Variants in BATF observed in about 807,000 individuals in gnomAD.
BATF encodes basic leucine zipper ATF-like transcription factor.
Under a neutral mutation model 13.7 loss-of-function variants are expected in BATF, and 5 were observed. The observed-to-expected ratio is 0.36, with a 90% CI of 0.19 to 0.77. The LOEUF is 0.77. Among genes scored for constraint, BATF ranks in the 30% least tolerant of loss-of-function variants. BATF has a pLI of 0.51. For synonymous variants in BATF, 72 were observed against 67.5 expected (o/e 1.07, Z -0.33); for missense variants, 124 against 163.0 (o/e 0.76, Z 1.30).
Position 75,536,695 on chromosome 14 carries a change from C to T in BATF, c.169-9767C>T, listed in dbSNP as rs142920562. Among the ~76,000 whole-genome samples the T allele has an allele frequency of 2.1e-3, 295 of 141,704 alleles. 1 individual carries two copies. Among genetic ancestry groups the T allele is most frequent in the African/African-American group, 7.4e-3 (282 of 38,202 alleles). 93.0% of individuals were successfully genotyped at this position (141,704 alleles called of 152,430 possible). On this transcript the variant is annotated intron_variant, in intron 2 of 2. Coordinates refer to ENST00000286639, the MANE Select transcript of BATF (RefSeq NM_006399.5). ...TTGTGATAGCACCACTGCACTCCAG[C>T]CTGGGCAACAGGGCAAGATCCTGTC...
chr14:75,538,371 AC>A (rs1887846591), intron 2 of BATF, among the ~76,000 whole-genome samples: 1 of 152,174 alleles, frequency 6.6e-6, no homozygotes, highest in Non-Finnish European at 1.5e-5. Flanking sequence ...TTAAATTGGA[AC>A]CTCTGGGGGT....
At chr14:75,524,650 T>C (rs886527646) in intron 1 of BATF, among the ~76,000 whole-genome samples, 1 of 151,940 alleles carries the variant, frequency 6.6e-6, no homozygotes, top group African/African-American at 2.4e-5. Context: ...TGCCCAGAGG[T>C]TGGCATATAG....
At chr14:75,543,871 C>T (rs940465324) in intron 2 of BATF, among the ~76,000 whole-genome samples, 1 of 151,852 alleles carries the variant, frequency 6.6e-6, no homozygotes, top group Non-Finnish European at 1.5e-5. Flanking sequence ...TGGGCTCAAG[C>T]GATCCTCTCA....
At chr14:75,535,843 T>C (rs1389063702) in intron 2 of BATF, among the ~76,000 whole-genome samples, 2 of 152,182 alleles carry the variant, frequency 1.3e-5, no homozygotes, top group Non-Finnish European at 2.9e-5. Context: ...TGGATTCCTA[T>C]GACCAAAATG....
chr14:75,536,236 G>C (rs964053713), intron 2 of BATF, among the ~76,000 whole-genome samples: 1 of 152,216 alleles, frequency 6.6e-6, no homozygotes, highest in African/African-American at 2.4e-5. Context: ...GCGATCAGGG[G>C]AGGCCTTCCT....
chr14:75,524,843 G>T (rs1249104387), intron 1 of BATF, among the ~76,000 whole-genome samples: 1 of 150,098 alleles, frequency 6.7e-6, no homozygotes, highest in Non-Finnish European at 1.5e-5. Context: ...GAGTCCTCAA[G>T]TTCTCTTTTC....
intron 2 of BATF, among the ~76,000 whole-genome samples, chr14:75,529,764 C>G (rs1026558242): frequency 4.0e-5 from 6 of 151,886 alleles, no homozygotes; most frequent in African/African-American, 1.5e-4. Context: ...ATTAACAACC[C>G]AAAAGAAAAA....
intron 2 of BATF, among the ~76,000 whole-genome samples, chr14:75,543,462 AC>A (rs147049789): frequency 2.0e-5 from 3 of 149,852 alleles, no homozygotes; most frequent in East Asian, 2.0e-4. Context: ...ATTTAGAAAG[AC>A]CCCCCCCAGG....
chr14:75,529,233 T>C (rs1887697451), intron 2 of BATF, among the ~76,000 whole-genome samples: 1 of 152,012 alleles, frequency 6.6e-6, no homozygotes, highest in Non-Finnish European at 1.5e-5. Context: ...ATCAAAACAA[T>C]GTGGAAAAGA....
intron 2 of BATF, among the ~76,000 whole-genome samples, chr14:75,545,707 T>C (rs1186584570): frequency 3.3e-5 from 5 of 151,982 alleles, no homozygotes; most frequent in African/African-American, 1.2e-4. Context: ...CAAACGACCT[T>C]CCATTTCCTT....
chr14:75,544,570 A>AGG (rs1333461940), intron 2 of BATF, among the ~76,000 whole-genome samples: 24 of 149,106 alleles, frequency 1.6e-4, no homozygotes, highest in Admixed American at 4.0e-4. Flanking sequence ...CTCAAAAAAA[A>AGG]AAAAAAAAAA....
chr14:75,524,022 C>T (rs1328681818), intron 1 of BATF, among the ~76,000 whole-genome samples: 5 of 152,142 alleles, frequency 3.3e-5, no homozygotes, highest in South Asian at 2.1e-4. Flanking sequence ...ACCACAAAGG[C>T]CTGAAAGTAT....
chr14:75,536,597 C>A (rs1887820116), intron 2 of BATF, among the ~76,000 whole-genome samples: 1 of 151,898 alleles, frequency 6.6e-6, no homozygotes, highest in Non-Finnish European at 1.5e-5. Flanking sequence ...CAGGCATGCA[C>A]CTATGGTCCC....
intron 2 of BATF, among the ~76,000 whole-genome samples, chr14:75,540,570 C>T (rs1249820166): frequency 1.3e-5 from 2 of 152,224 alleles, no homozygotes; most frequent in African/African-American, 4.8e-5. Flanking sequence ...GGATGGAGGG[C>T]ACAGACTCTG....
intron 2 of BATF, among the ~76,000 whole-genome samples, chr14:75,536,898 T>C (rs552248743): frequency 6.6e-6 from 1 of 152,288 alleles, no homozygotes; most frequent in Admixed American, 6.5e-5. Context: ...CACTAGGCTG[T>C]TTGACCGTTT....
At chr14:75,524,989 A>G in intron 1 of BATF, 95 bp from the exon 2 acceptor site, 2 of 1,058,896 alleles carry the variant, frequency 1.9e-6, no homozygotes, top group South Asian at 2.8e-5. Context: ...AAGGCATGGA[A>G]GGATGGCTGG....
intron 2 of BATF, among the ~76,000 whole-genome samples, chr14:75,533,100 G>A (rs1292248988): frequency 1.3e-5 from 2 of 152,092 alleles, no homozygotes; most frequent in Admixed American, 1.3e-4. Flanking sequence ...TACCGATGAC[G>A]GGTCGGCATG....
In BATF at chr14:75,546,605, C is replaced by T; in HGVS notation, c.312C>T (p.Pro104=). 3.7e-6 allele frequency: 6 copies of T among 1,613,878 alleles called. No homozygotes were observed. The highest frequency in any genetic ancestry group is 5.1e-6 in the Non-Finnish European group (6 of 1,179,916). Reference sequence around the variant, plus strand: ...TGGCCGCCAGCACGCCCTCGCCCCCCGAGGTGGTGTACAGCGCCCACGCAT... The same window carrying T: ...TGGCCGCCAGCACGCCCTCGCCCCCTGAGGTGGTGTACAGCGCCCACGCAT... ...SVLAASTPSP[P]EVVYSAHAFH... The change falls in exon 3 of 3, where the codon CCC becomes CCT. Residue 104 remains proline, a synonymous_variant. Transcript: ENST00000286639.
rs767915989 is a variant in BATF, at chr14:75,546,683, G to T, written c.*12G>T. The stretch of plus-strand genomic sequence containing the variant: ...GCTTCCAGCCCTGAGCTTCCGATGC[G>T]GGGAGAGCAGAGCCTCGGGAGGGGC... On this transcript the variant is annotated 3_prime_UTR_variant, in exon 3 of 3. Transcript: ENST00000286639. 4 of 1,569,780 alleles carry T rather than the reference G, an allele frequency of 2.5e-6. No homozygotes were observed. The highest frequency in any genetic ancestry group is 4.7e-5 in the East Asian group (2 of 42,484).
Sources: allele counts gnomAD v4.1 joint callset (sites outside exome capture counted in the v4.1 genomes callset), GRCh38; gene constraint gnomAD v4.1.1; transcripts MANE v1.5; gene names NCBI Gene and HGNC (gene_info 2026-07-23, HGNC 2026-07-21).